Variants in LARGE1 observed in about 807,000 individuals in gnomAD.
The protein encoded by LARGE1 is xylosyl- and glucuronyltransferase LARGE1.
LARGE1 carries 43 observed loss-of-function variants against 87.6 expected under a neutral mutation model. The ratio of observed to expected loss-of-function variants is 0.49; its 90% CI spans 0.38 to 0.63. The LOEUF (loss-of-function observed/expected upper bound fraction) is 0.63, where lower values mean the gene tolerates loss of function less well. Among genes scored for constraint, LARGE1 ranks in the 30% least tolerant of loss-of-function variants. The probability of loss-of-function intolerance (pLI) is 0.00; values close to 1 mark genes in which losing one functional copy is unlikely to be tolerated. For missense variants in LARGE1, 802 were observed against 1,000.2 expected, an observed-to-expected ratio of 0.80 and a Z score of 2.67; for synonymous variants, 434 against 394.6, an observed-to-expected ratio of 1.10 and a Z score of -1.18.
downstream of LARGE1, among the ~76,000 whole-genome samples, chr22:33,161,331 G>A (rs1262273265): frequency 2.6e-5 from 4 of 151,896 alleles, no homozygotes; most frequent in Non-Finnish European, 4.4e-5. Flanking sequence ...TTCTGCCCCC[G>A]GCCCCTCCCA....
At chr22:33,670,992 G>A (rs940960963) in intron 2 of LARGE1, among the ~76,000 whole-genome samples, 1 of 152,178 alleles carries the variant, frequency 6.6e-6, no homozygotes, top group Non-Finnish European at 1.5e-5. Context: ...GAAAATGTGA[G>A]ATCCTATGGT....
intron 2 of LARGE1, among the ~76,000 whole-genome samples, chr22:33,651,341 G>A (rs1260522220): frequency 5.4e-5 from 7 of 129,962 alleles, no homozygotes; most frequent in Admixed American, 3.5e-4. Context: ...GCAGTGAGCC[G>A]AGATCGCACC....
chr22:33,475,622 T>C (rs1050447443), intron 6 of LARGE1, among the ~76,000 whole-genome samples: 1 of 151,886 alleles, frequency 6.6e-6, no homozygotes, highest in Non-Finnish European at 1.5e-5. Flanking sequence ...CCACGACACC[T>C]GGCTAATTTT....
intron 12 of LARGE1, among the ~76,000 whole-genome samples, chr22:33,299,207 A>G (rs1933800319): frequency 6.6e-6 from 1 of 151,940 alleles, no homozygotes. Context: ...AGTGAGAGAG[A>G]GAGAGGAAGC....
intron 1 of LARGE1, among the ~76,000 whole-genome samples, chr22:33,885,098 T>A (rs1192131146): frequency 6.6e-6 from 1 of 152,268 alleles, no homozygotes; most frequent in African/African-American, 2.4e-5. Flanking sequence ...GTTTTGCCCA[T>A]GCAGAAACTA....
At chr22:33,294,938 T>C (rs564602426) in intron 12 of LARGE1, among the ~76,000 whole-genome samples, 1 of 152,328 alleles carries the variant, frequency 6.6e-6, no homozygotes, top group Non-Finnish European at 1.5e-5. Context: ...TAAATACATA[T>C]GACCTTTGGG....
At chr22:33,283,815 A>C (rs959314320) in intron 12 of LARGE1, among the ~76,000 whole-genome samples, 1 of 151,244 alleles carries the variant, frequency 6.6e-6, no homozygotes, top group Non-Finnish European at 1.5e-5. Flanking sequence ...AAAGAAAGAA[A>C]GGAAGAGAAA....
chr22:33,778,911 A>G (rs1168045065), intron 1 of LARGE1, among the ~76,000 whole-genome samples: 1 of 152,122 alleles, frequency 6.6e-6, no homozygotes, highest in Non-Finnish European at 1.5e-5. Flanking sequence ...TTGGCCTCCC[A>G]AAGTGCTGGG....
intron 5 of LARGE1, among the ~76,000 whole-genome samples, chr22:33,596,710 T>C (rs980363650): frequency 2.0e-5 from 3 of 147,286 alleles, no homozygotes; most frequent in Admixed American, 6.7e-5. Flanking sequence ...TTAGAAAAGA[T>C]TTAAGAAGTT....
intron 1 of LARGE1, among the ~76,000 whole-genome samples, chr22:33,770,152 T>C (rs28374): frequency 0.91 from 138,870 of 152,332 alleles, 63,452 homozygotes; most frequent in East Asian, 0.97. Context: ...AGGAATCCAT[T>C]TCATTGTAGC....
At chr22:33,183,632 A>ACACGCACG (rs1555880692) in intron 11 of LARGE1, among the ~76,000 whole-genome samples, 2 of 124,902 alleles carry the variant, frequency 1.6e-5, no homozygotes, top group Admixed American at 7.7e-5. Context: ...ACACACACAC[A>ACACGCACG]CACACACACA....
intron 2 of LARGE1, among the ~76,000 whole-genome samples, chr22:33,718,654 T>G (rs924112766): frequency 3.3e-5 from 5 of 152,230 alleles, no homozygotes; most frequent in Admixed American, 2.6e-4. Flanking sequence ...CTAACTCCAA[T>G]CAATGCACGT....
chr22:33,286,687 CG>C (rs977050787), intron 12 of LARGE1, among the ~76,000 whole-genome samples: 15 of 149,466 alleles, frequency 1.0e-4, no homozygotes, highest in African/African-American at 3.9e-4. Context: ...TAGAAGGCTG[CG>C]AGGGCAGAAC....
At chr22:33,792,880 C>A (rs1023696115) in intron 1 of LARGE1, among the ~76,000 whole-genome samples, 2 of 152,086 alleles carry the variant, frequency 1.3e-5, no homozygotes, top group South Asian at 4.1e-4. Context: ...ACCCCAGCCA[C>A]GGGAAAAAGA....
chr22:33,614,974 T>C (rs1183346051), intron 4 of LARGE1, among the ~76,000 whole-genome samples: 1 of 152,206 alleles, frequency 6.6e-6, no homozygotes. Flanking sequence ...CATCTACGCT[T>C]CACCCCGCTA....
At chr22:33,501,958 T>C (rs1470559899) in intron 6 of LARGE1, among the ~76,000 whole-genome samples, 2 of 152,098 alleles carry the variant, frequency 1.3e-5, no homozygotes, top group African/African-American at 4.8e-5. Context: ...TTTGGGAGGC[T>C]GAGGCGGGCA....
intron 3 of LARGE1, 94 bp downstream of exon 3, chr22:33,650,273 T>C: frequency 6.8e-7 from 1 of 1,460,638 alleles, no homozygotes; most frequent in Non-Finnish European, 9.6e-7. Context: ...TGCCAGCTCT[T>C]GGCATCTGGC....
chr22:33,469,782 C>G (rs143326084), intron 6 of LARGE1, among the ~76,000 whole-genome samples: 21 of 150,048 alleles, frequency 1.4e-4, no homozygotes, highest in Non-Finnish European at 1.3e-4. Context: ...CAGCCAAGAT[C>G]GCACCACTGC....
At position 33,760,520 on chromosome 22, in the gene LARGE1, C is replaced by G. The variant is rs1021058754; in HGVS notation, c.106+851G>C. Among the ~76,000 whole-genome samples the G allele has an allele frequency of 3.3e-5, 5 of 152,314 alleles. No individual in the cohort carries two copies. In the East Asian group the frequency reaches 9.6e-4, roughly 29 times the overall value. The stretch of plus-strand genomic sequence containing the variant: ...TCCTCCATCACAACGCGCATCGCAA[C>G]GTGCCGCGATCATTTCTTAGCCTAT... On this transcript the variant is annotated intron_variant, in intron 2 of 14. Transcript: ENST00000397394.
Sources: allele counts gnomAD v4.1 joint callset (sites outside exome capture counted in the v4.1 genomes callset), GRCh38; gene constraint gnomAD v4.1.1; transcripts MANE v1.5; gene names NCBI Gene and HGNC (gene_info 2026-07-23, HGNC 2026-07-21).